The following CATSPERD variants were observed in gnomAD, a reference collection of about 807,000 sequenced individuals.
CATSPERD encodes cation channel sperm-associated auxiliary subunit delta.
In CATSPERD, 86 loss-of-function variants were observed where a neutral mutation model predicts 98.1. That is an observed-to-expected ratio of 0.88 (90% CI 0.74 to 1.05). The LOEUF (loss-of-function observed/expected upper bound fraction) is 1.05. Among genes scored for constraint, CATSPERD ranks in the 50% least tolerant of loss-of-function variants. The pLI is 0.00. For synonymous variants in CATSPERD, 394 were observed against 390.2 expected (o/e 1.01, Z -0.12); for missense variants, 995 against 1,005.7 (o/e 0.99, Z 0.14).
chr19:5,753,287 G>A (rs770980628), intron 12 of CATSPERD, among the ~76,000 whole-genome samples: 14 of 151,970 alleles, frequency 9.2e-5, no homozygotes, highest in Admixed American at 2.0e-4. Flanking sequence ...GGGGGCGGGC[G>A]CGGTGGCTCA....
At chr19:5,748,292 A>G (rs1209153928) in intron 10 of CATSPERD, 37 bp downstream of exon 10, 1 of 1,579,690 alleles carries the variant, frequency 6.3e-7, no homozygotes, top group Non-Finnish European at 8.7e-7. Context: ...AGAAATATTT[A>G]GACCTGGCTT....
chr19:5,748,973 AC>A (rs1360272006), intron 10 of CATSPERD, 127 bp from the exon 11 acceptor site: 9 of 602,108 alleles, frequency 1.5e-5, no homozygotes, highest in Admixed American at 3.2e-5. Flanking sequence ...CAAGTGATCC[AC>A]CCCCCTCGGC....
rs750731224 is a variant in CATSPERD, at chr19:5,763,308, T to C, written c.1506+15T>C. On this transcript the variant is annotated intron_variant, in intron 16 of 21. Coordinates refer to ENST00000381624, the MANE Select transcript of CATSPERD (RefSeq NM_152784.4). ...TCAAGCCACTGGTAGGTCCCAAATC[T>C]TTGCTGTCCCATATTCGGTGTCATA... 3 of 1,605,666 alleles carry C rather than the reference T, an allele frequency of 1.9e-6. No homozygotes were observed. Among genetic ancestry groups the C allele is most frequent in the East Asian group, 4.5e-5 (2 of 44,866 alleles).
rs775424708 is a variant in CATSPERD, at chr19:5,778,397, C to T, written c.2118C>T (p.Ile706=). The part of the protein sequence containing the change: ...PYYSYCQLET[I]FSIYVYGAFP... ...GCAGCTACTGTCAACTGGAGACCATCTTTAGCATCTACGTGTATGGAGCAT... is the reference window on the plus strand; with the variant it reads ...GCAGCTACTGTCAACTGGAGACCATTTTTAGCATCTACGTGTATGGAGCAT... Residue 706 remains isoleucine, a synonymous_variant, in exon 22 of 22, where the codon ATC becomes ATT. Coordinates refer to ENST00000381624, the MANE Select transcript of CATSPERD (RefSeq NM_152784.4). 6.2e-7 allele frequency: 1 copy of T among 1,610,946 alleles called. No homozygotes were observed. Among genetic ancestry groups the T allele is most frequent in the East Asian group, 2.2e-5 (1 of 44,820 alleles).
intron 7 of CATSPERD, among the ~76,000 whole-genome samples, chr19:5,740,305 A>G (rs1470695372): frequency 6.7e-6 from 1 of 149,466 alleles, no homozygotes; most frequent in African/African-American, 2.5e-5. Context: ...AAAATAAAAT[A>G]AGCTGGGCGC....
At chr19:5,762,059 T>TATATATATATA (rs1491269022) in intron 15 of CATSPERD, among the ~76,000 whole-genome samples, 14 of 18,614 alleles carry the variant, frequency 7.5e-4, no homozygotes, top group African/African-American at 1.6e-3. Flanking sequence ...TATATATATA[T>TATATATATATA]TTTTTTTTTT....
intron 15 of CATSPERD, 95 bp downstream of exon 15, chr19:5,759,239 C>A: frequency 8.7e-7 from 1 of 1,142,986 alleles, no homozygotes; most frequent in Non-Finnish European, 1.3e-6. Flanking sequence ...AGACCCCCAG[C>A]TCCAGAACAG....
Position 5,727,262 on chromosome 19 carries a change from C to T in CATSPERD, c.127-6C>T, listed in dbSNP as rs751677985. 6.2e-7 allele frequency: 1 copy of T among 1,608,652 alleles called. No individual in the cohort carries two copies. The highest frequency in any genetic ancestry group is 8.5e-7 in the Non-Finnish European group (1 of 1,175,226). Reference sequence around the variant, plus strand: ...TATTATTAAGATTTTGTGATTATCTCTCTAGGACCGCCTGTATTTTCATCC... The same window carrying T: ...TATTATTAAGATTTTGTGATTATCTTTCTAGGACCGCCTGTATTTTCATCC... On this transcript the variant is annotated splice_polypyrimidine_tract_variant and splice_region_variant and intron_variant, in intron 2 of 21. Transcript: ENST00000381624.
rs569646016 is a variant in CATSPERD at position 5,742,010 on chromosome 19, T to A, written c.574-2417T>A. Among the ~76,000 whole-genome samples the A allele has an allele frequency of 1.1e-4, 17 of 150,066 alleles. No individual in the cohort carries two copies. The East Asian group carries it at 3.3e-3, about 29-fold the overall frequency. The stretch of plus-strand genomic sequence containing the variant: ...CAGATCGTGCCACTGCACTCCAGCC[T>A]GGGTGACAGAGTGAAACTCTGTCTC... On this transcript the variant is annotated intron_variant, in intron 7 of 21. Coordinates refer to ENST00000381624, the MANE Select transcript of CATSPERD (RefSeq NM_152784.4).
At position 5,733,902 on chromosome 19, in the gene CATSPERD, T is replaced by G; in HGVS notation, c.323T>G (p.Leu108Trp). ...TCAGCACATTTTGCTGGTTCGTTAT[T>G]GCTGTTAGTAGTGGATCAAAAAGTC... Reference protein sequence around the residue: ...VTSAHFAGSLLLLVVDQKVYI... With the variant: ...VTSAHFAGSLWLLVVDQKVYI... The change falls in exon 5 of 22, where the codon TTG (leucine) becomes TGG (tryptophan). Residue 108 changes from leucine (L) to tryptophan (W), a missense_variant. Leu to Trp is a moderately conservative substitution (Grantham distance 61). Coordinates refer to ENST00000381624, the MANE Select transcript of CATSPERD (RefSeq NM_152784.4). 6.2e-7 allele frequency: 1 copy of G among 1,613,320 alleles called. No individual in the cohort carries two copies. The highest frequency in any genetic ancestry group is 8.5e-7 in the Non-Finnish European group (1 of 1,179,854).
chr19:5,724,086 C>G (rs1268121026), intron 1 of CATSPERD, among the ~76,000 whole-genome samples: 2 of 151,932 alleles, frequency 1.3e-5, no homozygotes, highest in Admixed American at 6.6e-5. Flanking sequence ...AGCCACCGTG[C>G]CTAACTTTTT....
chr19:5,776,416 C>T (rs77584859), intron 21 of CATSPERD, 101 bp downstream of exon 21: 86,146 of 1,316,908 alleles, frequency 0.065, 4,845 homozygotes, highest in East Asian at 0.33. Context: ...AACCTGAATT[C>T]CCCCAACAGC....
intron 13 of CATSPERD, among the ~76,000 whole-genome samples, chr19:5,755,807 TA>T (rs1006835726): frequency 1.3e-5 from 2 of 148,926 alleles, no homozygotes; most frequent in African/African-American, 5.0e-5. Context: ...AAAAATAAAT[TA>T]AAAAAATAAA....
chr19:5,754,210 T>G lies in CATSPERD; in HGVS notation c.1243T>G (p.Leu415Val). 6.2e-7 allele frequency: 1 copy of G among 1,613,936 alleles called. No individual in the cohort carries two copies. The highest frequency in any genetic ancestry group is 8.5e-7 in the Non-Finnish European group (1 of 1,179,860). ...CAGCCAGCTGGAATTGACTGCTTCG[T>G]TGATACCCCAGCCAGGCACATCCCT... ...MHSQLELTAS[L>V]IPQPGTSLIP... The change falls in exon 13 of 22, where the codon TTG becomes GTG. Residue 415 changes from leucine (L) to valine (V), a missense_variant. By Grantham distance (32) the Leu-to-Val change is conservative (BLOSUM62 1). Around this residue, in one of 3 missense-constraint regions of CATSPERD, gnomAD observed 762 missense variants for 773.7 expected, o/e 0.98. Transcript: ENST00000381624.
Position 5,737,141 on chromosome 19 carries a change from T to C in CATSPERD, c.395T>C (p.Ile132Thr). The change falls in exon 6 of 22, where the codon ATA becomes ACA. Residue 132 changes from isoleucine (I) to threonine (T), a missense_variant. By Grantham distance (89) the Ile-to-Thr change is moderately conservative. Transcript: ENST00000381624. Reference sequence around the variant, plus strand: ...CAAAATTATATTTTCCTTTCAGGTATAAAACACCCTGTTACACATGTCTCT... The same window carrying C: ...CAAAATTATATTTTCCTTTCAGGTACAAAACACCCTGTTACACATGTCTCT... ...ENNSWSMSLG[I>T]KHPVTHVSGD... is the part of the protein sequence containing the mutation. 10 of 1,601,550 alleles carry C rather than the reference T, an allele frequency of 6.2e-6. No homozygotes were observed. The highest frequency in any genetic ancestry group is 8.6e-6 in the Non-Finnish European group (10 of 1,169,160).
At chr19:5,738,352 C>CAA (rs767298084) in intron 6 of CATSPERD, among the ~76,000 whole-genome samples, 3 of 104,954 alleles carry the variant, frequency 2.9e-5, no homozygotes, top group Non-Finnish European at 5.9e-5. Flanking sequence ...ACTCAAAATA[C>CAA]AAAAAAAAAA....
chr19:5,720,841 C>T, intron 1 of CATSPERD, 33 bp downstream of exon 1: 2 of 1,573,392 alleles, frequency 1.3e-6, no homozygotes, highest in Non-Finnish European at 1.7e-6. Context: ...GGCTGGGGTG[C>T]TGCCGGGGGT....
At position 5,729,925 on chromosome 19, in the gene CATSPERD, C is replaced by T. The variant is rs1289300974; in HGVS notation, c.257C>T (p.Thr86Ile). ...DNFETSLLPF[T>I]IPTSMQVGVP... Reference sequence around the variant, plus strand: ...TTTGAGACTAGTCTCCTTCCATTTACCATCCCTACATCAATGCAGGTAGTT... The same window carrying T: ...TTTGAGACTAGTCTCCTTCCATTTATCATCCCTACATCAATGCAGGTAGTT... Residue 86 changes from threonine to isoleucine, a missense_variant, in exon 4 of 22, where the codon ACC becomes ATC. Around this residue, in one of 3 missense-constraint regions of CATSPERD, gnomAD observed 228 missense variants for 209.6 expected, o/e 1.09. Coordinates refer to ENST00000381624, the MANE Select transcript of CATSPERD (RefSeq NM_152784.4). 5 of 1,594,602 alleles carry T rather than the reference C, an allele frequency of 3.1e-6. No homozygotes were observed. Among genetic ancestry groups the T allele is most frequent in the South Asian group, 2.2e-5 (2 of 89,042 alleles).
At chr19:5,757,432 G>C (rs1489489670) in intron 13 of CATSPERD, among the ~76,000 whole-genome samples, 2 of 150,872 alleles carry the variant, frequency 1.3e-5, no homozygotes, top group South Asian at 2.1e-4. Flanking sequence ...CGAGTAGCTG[G>C]GATTACAGGC....
Sources: allele counts gnomAD v4.1 joint callset (sites outside exome capture counted in the v4.1 genomes callset), GRCh38; gene constraint gnomAD v4.1.1; regional missense constraint gnomAD v4.1.1; transcripts MANE v1.5; gene names NCBI Gene and HGNC (gene_info 2026-07-23, HGNC 2026-07-21).